The following MAPKAP1 variants were observed in gnomAD, a reference collection of about 807,000 sequenced individuals.
MAPKAP1 encodes the protein target of rapamycin complex 2 subunit MAPKAP1.
Under a neutral mutation model 65.7 loss-of-function variants are expected in MAPKAP1, and 20 were observed. The observed-to-expected ratio is 0.30, with a 90% CI of 0.21 to 0.44. The LOEUF is 0.44. Ranked by LOEUF, MAPKAP1 falls within the 20% of genes least tolerant of loss-of-function variation. MAPKAP1 has a pLI of 1.00. For missense variants in MAPKAP1, 423 were observed against 648.0 expected, an observed-to-expected ratio of 0.65 and a Z score of 3.77; for synonymous variants, 222 against 244.3, an observed-to-expected ratio of 0.91 and a Z score of 0.85.
At chr9:125,646,308 C>T (rs1833723938) in intron 4 of MAPKAP1, among the ~76,000 whole-genome samples, 1 of 151,974 alleles carries the variant, frequency 6.6e-6, no homozygotes, top group African/African-American at 2.4e-5. Flanking sequence ...CACCCTGTCT[C>T]TTCAAAACAA....
Position 125,672,471 on chromosome 9 carries a change from T to G in MAPKAP1, c.104A>C (p.Asp35Ala). 2 of 1,614,174 alleles carry G rather than the reference T, an allele frequency of 1.2e-6. No homozygotes were observed. The highest frequency in any genetic ancestry group is 1.7e-6 in the Non-Finnish European group (2 of 1,180,026). ...GMCEMVLIDH[D>A]VDLEKIHPPS... ...AGGATGAATCTTCTCTAGGTCAACA[T>G]CATGATCAATGAGAACCATCTCACA... The change falls in exon 2 of 12, where the codon GAT becomes GCT. Residue 35 changes from aspartate (D) to alanine (A), a missense_variant. Transcript: ENST00000265960.
intron 10 of MAPKAP1, among the ~76,000 whole-genome samples, chr9:125,459,285 C>T (rs1187851479): frequency 1.3e-5 from 2 of 151,076 alleles, no homozygotes; most frequent in Non-Finnish European, 3.0e-5. Context: ...CTCCTCACTT[C>T]CTAGATCGGA....
At chr9:125,537,098 A>G (rs1830094938) in intron 7 of MAPKAP1, among the ~76,000 whole-genome samples, 2 of 152,226 alleles carry the variant, frequency 1.3e-5, no homozygotes, top group Admixed American at 1.3e-4. Flanking sequence ...CTAATAAGCA[A>G]CATGGTACAA....
At position 125,438,056 on chromosome 9, in the gene MAPKAP1, G is replaced by A. The variant is rs1852357874; in HGVS notation, c.*831C>T. Reference sequence around the variant, plus strand: ...GCAGCGAAGCAGAGAACATGCAGGTGGAACTGCCAGCTGAAACCTACACTT... The same window carrying A: ...GCAGCGAAGCAGAGAACATGCAGGTAGAACTGCCAGCTGAAACCTACACTT... On this transcript the variant is annotated 3_prime_UTR_variant, in exon 12 of 12. Transcript: ENST00000265960. 3.6e-6 allele frequency: 1 copy of A among 278,378 alleles called. No individual in the cohort carries two copies. The highest frequency in any genetic ancestry group is 6.7e-6 in the Non-Finnish European group (1 of 150,184). 17.2% of individuals were successfully genotyped at this position (278,378 alleles called of 1,614,324 possible).
intron 7 of MAPKAP1, among the ~76,000 whole-genome samples, chr9:125,518,474 C>T (rs1257795697): frequency 2.6e-5 from 4 of 151,694 alleles, no homozygotes; most frequent in Non-Finnish European, 5.9e-5. Context: ...AGCGGGAGCT[C>T]GAGACCAGTG....
chr9:125,650,325 G>T (rs867053838), intron 4 of MAPKAP1: 1 of 152,098 alleles, frequency 6.6e-6, no homozygotes, highest in Non-Finnish European at 1.5e-5. Context: ...AGGCTTCCCC[G>T]TGCCATGAGG....
At chr9:125,612,524 A>G (rs1007455444) in intron 4 of MAPKAP1, among the ~76,000 whole-genome samples, 2 of 152,206 alleles carry the variant, frequency 1.3e-5, no homozygotes, top group Admixed American at 6.5e-5. Context: ...CAATAAACTG[A>G]GTTCCTAAAC....
chr9:125,628,745 T>C (rs1173766579), intron 4 of MAPKAP1, among the ~76,000 whole-genome samples: 1 of 152,094 alleles, frequency 6.6e-6, no homozygotes, highest in Admixed American at 6.6e-5. Context: ...CAAAAACTTC[T>C]GTGCAGCAAA....
At chr9:125,604,257 C>T (rs1313123870) in intron 4 of MAPKAP1, among the ~76,000 whole-genome samples, 1 of 152,184 alleles carries the variant, frequency 6.6e-6, no homozygotes, top group Non-Finnish European at 1.5e-5. Context: ...AAATAAAACA[C>T]TTTATCAATT....
chr9:125,481,045 G>C (rs1191644911), intron 9 of MAPKAP1, among the ~76,000 whole-genome samples: 1 of 147,042 alleles, frequency 6.8e-6, no homozygotes, highest in South Asian at 2.1e-4. Context: ...AATGTTAAAA[G>C]GTAAACATTA....
chr9:125,632,574 G>A (rs895751880), intron 4 of MAPKAP1, among the ~76,000 whole-genome samples: 22 of 152,086 alleles, frequency 1.4e-4, no homozygotes, highest in African/African-American at 5.3e-4. Flanking sequence ...ACAAATGACT[G>A]CATCTTATGA....
rs760592961 is a variant in MAPKAP1 at position 125,439,040 on chromosome 9, A to C, written c.1444-28T>G. 1 of 1,608,668 alleles carries C rather than the reference A, an allele frequency of 6.2e-7. No individual in the cohort carries two copies. Among genetic ancestry groups the C allele is most frequent in the Non-Finnish European group, 8.5e-7 (1 of 1,177,700 alleles). On this transcript the variant is annotated intron_variant, in intron 11 of 11. Transcript: ENST00000265960. The surrounding 1 kb of genome is among the most constrained non-coding windows in gnomAD (Gnocchi z 4.0). The stretch of plus-strand genomic sequence containing the variant: ...AGAAACAAGAGCACACAGCCCGGTC[A>C]CCTTGCCAGCCGCTCCCTACCCACC...
rs1012026501 is a variant in MAPKAP1 at position 125,611,474 on chromosome 9, CAGA to C, written c.499-25750_499-25748del. On this transcript the variant is annotated intron_variant, in intron 4 of 11. Coordinates refer to ENST00000265960, the MANE Select transcript of MAPKAP1 (RefSeq NM_001006617.3). Reference sequence around the variant, plus strand: ...ATTCTGATAGGTGTAGCTAGAGTTTCAGAAGAAGAGAAAAGAATAACTGGTTCG... The same window carrying C: ...ATTCTGATAGGTGTAGCTAGAGTTTCAGAAGAGAAAAGAATAACTGGTTCG... Among the ~76,000 whole-genome samples, 6 of 152,180 alleles carry C rather than the reference CAGA, an allele frequency of 3.9e-5. No individual in the cohort carries two copies. The East Asian group carries it at 9.7e-4, about 24-fold the overall frequency.
intron 5 of MAPKAP1, among the ~76,000 whole-genome samples, chr9:125,566,125 A>C (rs1489063670): frequency 6.6e-6 from 1 of 152,236 alleles, no homozygotes; most frequent in Non-Finnish European, 1.5e-5. Flanking sequence ...ATTTCAGTCC[A>C]GATCTTTAAA....
At chr9:125,596,939 T>C (rs1216609306) in intron 4 of MAPKAP1, among the ~76,000 whole-genome samples, 1 of 141,790 alleles carries the variant, frequency 7.1e-6, no homozygotes, top group Non-Finnish European at 1.5e-5. Context: ...AACAGTCTGA[T>C]CATGACGCTG....
chr9:125,485,295 C>T (rs1377949143), intron 8 of MAPKAP1, among the ~76,000 whole-genome samples: 1 of 152,156 alleles, frequency 6.6e-6, no homozygotes, highest in East Asian at 1.9e-4. Context: ...AGTCCAGCCG[C>T]CACAGGCTTT....
rs1320176136 is a variant in MAPKAP1 at position 125,600,382 on chromosome 9, GC to G, written c.499-14656del. ...CTGAACTGATCTGGACTCTGGCCCT[GC>G]CAGCCTTGAGCTGTGCAGCCTTGGG... On this transcript the variant is annotated intron_variant, in intron 4 of 11. Transcript: ENST00000265960. 1.3e-5 allele frequency among the ~76,000 whole-genome samples: 2 copies of G among 152,168 alleles called. 1 individual carries two copies. Among genetic ancestry groups the G allele is most frequent in the Non-Finnish European group, 2.9e-5 (2 of 68,022 alleles).
intron 6 of MAPKAP1, among the ~76,000 whole-genome samples, chr9:125,552,499 A>G (rs1830612172): frequency 6.6e-6 from 1 of 152,226 alleles, no homozygotes; most frequent in Non-Finnish European, 1.5e-5. Context: ...CAAATTTAAA[A>G]ATTTCTTTTA....
chr9:125,566,853 C>T (rs1475613634), intron 5 of MAPKAP1, among the ~76,000 whole-genome samples: 1 of 152,194 alleles, frequency 6.6e-6, no homozygotes, highest in Admixed American at 6.5e-5. Context: ...TCTCTCCCCT[C>T]TAAACTCCAG....
Sources: gnomAD v4.1 joint callset for allele counts (sites outside exome capture counted in the v4.1 genomes callset) on GRCh38, gnomAD v4.1.1 for gene constraint, Gnocchi (gnomAD v3.1) non-coding constraint, MANE v1.5 for transcripts, NCBI Gene and HGNC (gene_info 2026-07-23, HGNC 2026-07-21) for gene names.